The following TMTC4 variants were observed in gnomAD, a reference collection of about 807,000 sequenced individuals.
TMTC4 encodes transmembrane O-mannosyltransferase targeting cadherins 4.
In TMTC4, 65 loss-of-function variants were observed where a neutral mutation model predicts 86.0. That is an observed-to-expected ratio of 0.76 (90% confidence interval 0.62 to 0.93). The LOEUF (loss-of-function observed/expected upper bound fraction) is 0.93. TMTC4 is among the 40% of genes least tolerant of loss of function. The pLI is 0.00. For missense variants in TMTC4, 866 were observed against 948.1 expected (o/e 0.91, Z 1.14); for synonymous variants, 379 against 382.5 (o/e 0.99, Z 0.11).
intron 6 of TMTC4, among the ~76,000 whole-genome samples, chr13:100,655,178 C>T (rs56143327): frequency 6.6e-6 from 1 of 151,864 alleles, no homozygotes; most frequent in Admixed American, 6.6e-5. Flanking sequence ...CACGCCACCA[C>T]ACCTGGCTAA....
intron 6 of TMTC4, among the ~76,000 whole-genome samples, chr13:100,647,949 A>G (rs1883963419): frequency 6.6e-6 from 1 of 152,112 alleles, no homozygotes; most frequent in Non-Finnish European, 1.5e-5. Flanking sequence ...CACACTCTCA[A>G]ACTCTAAACT....
At chr13:100,610,708 G>A (rs1287247567) in intron 17 of TMTC4, among the ~76,000 whole-genome samples, 1 of 152,206 alleles carries the variant, frequency 6.6e-6, no homozygotes. Flanking sequence ...ACGAACTCTG[G>A]GTTTTATCCC....
chr13:100,654,811 C>T (rs1427401329), intron 6 of TMTC4, among the ~76,000 whole-genome samples: 1 of 152,056 alleles, frequency 6.6e-6, no homozygotes, highest in Non-Finnish European at 1.5e-5. Context: ...GTGACAGGTT[C>T]TATCATATCT....
At chr13:100,653,213 A>G (rs886283203) in intron 6 of TMTC4, among the ~76,000 whole-genome samples, 6 of 152,206 alleles carry the variant, frequency 3.9e-5, no homozygotes, top group Admixed American at 3.3e-4. Context: ...AAAGAAGCAC[A>G]TTCTATTCTT....
intron 9 of TMTC4, among the ~76,000 whole-genome samples, chr13:100,637,146 C>T (rs1170905284): frequency 6.6e-6 from 1 of 152,036 alleles, no homozygotes. Flanking sequence ...ATACCCTTGC[C>T]TTTAGAAAAA....
intron 6 of TMTC4, among the ~76,000 whole-genome samples, chr13:100,648,106 C>T (rs1172887143): frequency 1.3e-5 from 2 of 152,162 alleles, no homozygotes; most frequent in Non-Finnish European, 2.9e-5. Context: ...TCTTCAGTCT[C>T]AGCAATTATT....
intron 17 of TMTC4, among the ~76,000 whole-genome samples, chr13:100,608,639 A>G (rs765857305): frequency 7.2e-5 from 11 of 152,188 alleles, no homozygotes; most frequent in Admixed American, 6.5e-5. Flanking sequence ...TTCAAAGCCC[A>G]TGAAATGTTC....
At chr13:100,613,148 G>T (rs2153023552) in intron 16 of TMTC4, among the ~76,000 whole-genome samples, 1 of 152,268 alleles carries the variant, frequency 6.6e-6, no homozygotes, top group East Asian at 1.9e-4. Flanking sequence ...ATCATAAAGT[G>T]TTAACTACAG....
At chr13:100,664,424 A>G (rs1436254884) in intron 3 of TMTC4, 88 bp from the exon 4 acceptor site, 5 of 891,502 alleles carry the variant, frequency 5.6e-6, no homozygotes, top group Non-Finnish European at 6.7e-6. Flanking sequence ...GGATGCAGTC[A>G]GGCCTCCTAG....
chr13:100,665,950 G>A, intron 3 of TMTC4: 3 of 451,964 alleles, frequency 6.6e-6, no homozygotes, highest in Non-Finnish European at 8.9e-6. Flanking sequence ...TTGACTCAGT[G>A]ACAAGCCTGG....
At chr13:100,616,992 G>A (rs989185320) in intron 15 of TMTC4, among the ~76,000 whole-genome samples, 1 of 152,174 alleles carries the variant, frequency 6.6e-6, no homozygotes, top group African/African-American at 2.4e-5. Flanking sequence ...TTCTACTGCT[G>A]TGCAGAAACC....
At chr13:100,627,537 T>C (rs1184166100) in intron 12 of TMTC4, among the ~76,000 whole-genome samples, 2 of 152,126 alleles carry the variant, frequency 1.3e-5, no homozygotes, top group Admixed American at 6.6e-5. Context: ...TGCCTCTGTC[T>C]TCATGACCAT....
rs775770328 is a variant in TMTC4 at position 100,636,732 on chromosome 13, G to C, written c.1002C>G (p.Ala334=). 2.5e-6 allele frequency: 4 copies of C among 1,613,830 alleles called. No homozygotes were observed. The highest frequency in any genetic ancestry group is 3.4e-6 in the Non-Finnish European group (4 of 1,179,928). ...ATGAATAGTAGTAATTGTAGTTTAC[G>C]GCCTGCCAGTCAAAAGGAGAACAAA... ...ASFADSMLVR[A]VNYNYYYSLN... is the part of the protein sequence containing the mutation. The change falls in exon 10 of 19, where the codon GCC becomes GCG. Residue 334 remains alanine (A), a splice_region_variant and synonymous_variant. Coordinates refer to ENST00000342624, the MANE Select transcript of TMTC4 (RefSeq NM_032813.5).
At chr13:100,644,636 G>A (rs555302156) in intron 6 of TMTC4, among the ~76,000 whole-genome samples, 6 of 152,130 alleles carry the variant, frequency 3.9e-5, no homozygotes, top group Non-Finnish European at 5.9e-5. Context: ...TTTTTGGGGG[G>A]AGAATCTCTG....
chr13:100,644,846 G>A lies in TMTC4; in HGVS notation c.641-2535C>T, dbSNP rs143696751. ...CTTTTTTTTTTTGAGATGGAGTATCGCTCTGTCACCCAGGCTAGAGTGCAA... is the reference window on the plus strand; with the variant it reads ...CTTTTTTTTTTTGAGATGGAGTATCACTCTGTCACCCAGGCTAGAGTGCAA... On this transcript the variant is annotated intron_variant, in intron 6 of 18. Coordinates refer to ENST00000342624, the MANE Select transcript of TMTC4 (RefSeq NM_032813.5). 8.1e-3 allele frequency among the ~76,000 whole-genome samples: 1,228 copies of A among 150,952 alleles called. 12 individuals carry two copies. Among genetic ancestry groups the A allele is most frequent in the African/African-American group, 0.028 (1,155 of 41,090 alleles).
intron 15 of TMTC4, chr13:100,623,936 T>C (rs1007680725): frequency 4.2e-6 from 2 of 480,822 alleles, no homozygotes; most frequent in Non-Finnish European, 8.3e-6. Flanking sequence ...TGCCTAAAGC[T>C]GTCTTTGGGG....
intron 15 of TMTC4, among the ~76,000 whole-genome samples, chr13:100,620,020 G>C (rs927702939): frequency 2.6e-5 from 4 of 151,872 alleles, no homozygotes; most frequent in Non-Finnish European, 5.9e-5. Flanking sequence ...GTTTCATTTT[G>C]TCTCAAATTC....
chr13:100,628,250 A>G (rs1880840104), intron 12 of TMTC4, among the ~76,000 whole-genome samples: 1 of 152,194 alleles, frequency 6.6e-6, no homozygotes, highest in Non-Finnish European at 1.5e-5. Context: ...TTCCGTCTCT[A>G]TGCATTTGAC....
At chr13:100,674,494 C>CAGGA (rs1887581243) in intron 1 of TMTC4, 2 of 751,694 alleles carry the variant, frequency 2.7e-6, no homozygotes, top group East Asian at 1.5e-4. Flanking sequence ...GCGCGGCGGG[C>CAGGA]GGGGCGCGCA....
Sources: allele counts gnomAD v4.1 joint callset (sites outside exome capture counted in the v4.1 genomes callset), GRCh38; gene constraint gnomAD v4.1.1; transcripts MANE v1.5; gene names NCBI Gene and HGNC (gene_info 2026-07-23, HGNC 2026-07-21).